Variants in MSRA observed in about 807,000 individuals in gnomAD.
The protein encoded by MSRA is mitochondrial peptide methionine sulfoxide reductase.
Under a neutral mutation model 31.3 loss-of-function variants are expected in MSRA, and 54 were observed. The observed-to-expected ratio is 1.73, with a 90% CI of 1.39 to 2.17. The LOEUF (loss-of-function observed/expected upper bound fraction) is 2.17. MSRA is among the 30% of genes most tolerant of loss of function. The probability of loss-of-function intolerance (pLI) is 0.00; values close to 1 mark genes in which losing one functional copy is unlikely to be tolerated. For synonymous variants in MSRA, 169 were observed against 116.5 expected, an observed-to-expected ratio of 1.45 and a Z score of -2.90; for missense variants, 507 against 300.9, an observed-to-expected ratio of 1.69 and a Z score of -5.07.
intron 1 of MSRA, among the ~76,000 whole-genome samples, chr8:10,105,217 T>C (rs1048134470): frequency 6.6e-6 from 1 of 152,180 alleles, no homozygotes; most frequent in Non-Finnish European, 1.5e-5. Context: ...ATTTTCCTTA[T>C]GGCAACTTTG....
rs563072956 is a variant in MSRA at position 10,414,201 on chromosome 8, C to G, written c.544-13947C>G. Among the ~76,000 whole-genome samples, 12 of 152,216 alleles carry G rather than the reference C, an allele frequency of 7.9e-5. No homozygotes were observed. In the South Asian group the frequency reaches 2.5e-3, roughly 32 times the overall value. ...AAAAAACGAATTTTATGTGAACTAC[C>G]TCTCAATATAAAATGATTATCTGGG... On this transcript the variant is annotated intron_variant, in intron 5 of 5. Transcript: ENST00000317173.
rs549026839 is a variant in MSRA, at chr8:10,189,464, T to C, written c.143-18369T>C. On this transcript the variant is annotated intron_variant, in intron 1 of 5. Coordinates refer to ENST00000317173, the MANE Select transcript of MSRA (RefSeq NM_012331.5). ...ACGTTCGGTCTGTTACCATAAAGTA[T>C]GATGCAGCTGTAGCTTTTTAGTAGA... Among the ~76,000 whole-genome samples the C allele has an allele frequency of 3.7e-4, 56 of 152,344 alleles. 1 individual carries two copies. The highest frequency in any genetic ancestry group is 7.8e-4 in the Admixed American group (12 of 15,304).
Position 10,355,381 on chromosome 8 carries a change from A to G in MSRA, c.543+35392A>G, listed in dbSNP as rs115516479. On this transcript the variant is annotated intron_variant, in intron 5 of 5. Transcript: ENST00000317173. ...AGATATGACATTTGCCGAGTAGGCC[A>G]TCACTTCTTTGATTGTCACTTTCCA... Among the ~76,000 whole-genome samples, 205 of 152,372 alleles carry G rather than the reference A, an allele frequency of 1.3e-3. 1 individual carries two copies. Among genetic ancestry groups the G allele is most frequent in the African/African-American group, 4.5e-3 (189 of 41,586 alleles).
chr8:10,413,292 G>A (rs546004013), intron 5 of MSRA, among the ~76,000 whole-genome samples: 5 of 152,248 alleles, frequency 3.3e-5, no homozygotes, highest in African/African-American at 1.2e-4. Flanking sequence ...TAAGGAATTC[G>A]GTGCCTAACC....
chr8:10,423,772 C>T (rs1027410636), intron 5 of MSRA, among the ~76,000 whole-genome samples: 5 of 152,164 alleles, frequency 3.3e-5, no homozygotes, highest in African/African-American at 1.2e-4. Flanking sequence ...CTGAGTCCGT[C>T]GTCCCCTTCT....
intron 2 of MSRA, among the ~76,000 whole-genome samples, chr8:10,241,020 T>C (rs1328545095): frequency 2.0e-5 from 3 of 152,114 alleles, no homozygotes; most frequent in East Asian, 1.9e-4. Context: ...TGATTCCCGA[T>C]GTACAACTTC....
chr8:10,256,322 A>G (rs919878904), intron 3 of MSRA, among the ~76,000 whole-genome samples: 3 of 152,196 alleles, frequency 2.0e-5, no homozygotes, highest in East Asian at 3.8e-4. Flanking sequence ...TTAGCACTGA[A>G]TAATATTCCA....
chr8:10,190,404 G>A (rs980589843), intron 1 of MSRA, among the ~76,000 whole-genome samples: 1 of 152,126 alleles, frequency 6.6e-6, no homozygotes, highest in Non-Finnish European at 1.5e-5. Context: ...TCCTGCCCCC[G>A]TCAGTGCCTG....
intron 1 of MSRA, among the ~76,000 whole-genome samples, chr8:10,152,046 G>T (rs908040227): frequency 2.0e-5 from 3 of 152,164 alleles, no homozygotes; most frequent in Admixed American, 6.5e-5. Flanking sequence ...ATTTCAATGT[G>T]TACACACCTC....
At chr8:10,394,979 T>C (rs1807004690) in intron 5 of MSRA, among the ~76,000 whole-genome samples, 1 of 152,214 alleles carries the variant, frequency 6.6e-6, no homozygotes, top group African/African-American at 2.4e-5. Flanking sequence ...GACACTTGGA[T>C]ATGTGAGCAG....
At chr8:10,117,066 C>T (rs1449457501) in intron 1 of MSRA, among the ~76,000 whole-genome samples, 2 of 152,124 alleles carry the variant, frequency 1.3e-5, no homozygotes, top group Non-Finnish European at 2.9e-5. Flanking sequence ...AATCCATCTG[C>T]CCAGAGCAAC....
At chr8:10,078,563 T>C (rs566710023) in intron 1 of MSRA, among the ~76,000 whole-genome samples, 1 of 152,330 alleles carries the variant, frequency 6.6e-6, no homozygotes, top group African/African-American at 2.4e-5. Flanking sequence ...GTGCCTGTTT[T>C]CCAGAGATGG....
chr8:10,094,756 T>G (rs934596633), intron 1 of MSRA, among the ~76,000 whole-genome samples: 4 of 152,204 alleles, frequency 2.6e-5, no homozygotes, highest in Non-Finnish European at 5.9e-5. Context: ...AAGGTGTTTA[T>G]GTTAAAAATA....
intron 1 of MSRA, among the ~76,000 whole-genome samples, chr8:10,175,485 C>T (rs1313492001): frequency 1.3e-5 from 2 of 152,100 alleles, no homozygotes; most frequent in African/African-American, 2.4e-5. Flanking sequence ...ACCGAGATTC[C>T]AGATTAAAGA....
chr8:10,268,196 C>A (rs1025690018), intron 3 of MSRA, among the ~76,000 whole-genome samples: 1 of 152,196 alleles, frequency 6.6e-6, no homozygotes, highest in African/African-American at 2.4e-5. Flanking sequence ...GAGATGGACA[C>A]GTGTGTGAAT....
chr8:10,372,241 G>A (rs1263712698), intron 5 of MSRA, among the ~76,000 whole-genome samples: 2 of 152,160 alleles, frequency 1.3e-5, no homozygotes, highest in African/African-American at 4.8e-5. Flanking sequence ...CATTGCCATA[G>A]GAGCCAGAGG....
At chr8:10,066,804 G>T (rs542808189) in intron 1 of MSRA, among the ~76,000 whole-genome samples, 6 of 152,096 alleles carry the variant, frequency 3.9e-5, no homozygotes, top group East Asian at 1.9e-4. Context: ...CAAAGTGCTG[G>T]GATTACAGGT....
rs552003072 is a variant in MSRA, at chr8:10,276,022, G to T, written c.332-25512G>T. Among the ~76,000 whole-genome samples the T allele has an allele frequency of 2.6e-5, 4 of 152,292 alleles. No individual in the cohort carries two copies. In the East Asian group the frequency reaches 7.7e-4, roughly 29 times the overall value. On this transcript the variant is annotated intron_variant, in intron 3 of 5. Transcript: ENST00000317173. ...AGTTCCTTCTGTTGCTCCAACACTGGCTGGTGTTTACACACTGGTGCCTGG... is the reference window on the plus strand; with the variant it reads ...AGTTCCTTCTGTTGCTCCAACACTGTCTGGTGTTTACACACTGGTGCCTGG...
At chr8:10,156,128 G>A (rs191809703) in intron 1 of MSRA, among the ~76,000 whole-genome samples, 7 of 152,272 alleles carry the variant, frequency 4.6e-5, no homozygotes, top group Admixed American at 4.6e-4. Flanking sequence ...ACAGAGCTAA[G>A]TGCAGGAACT....
Sources: gnomAD v4.1 joint callset for allele counts (sites outside exome capture counted in the v4.1 genomes callset) on GRCh38, gnomAD v4.1.1 for gene constraint, MANE v1.5 for transcripts, NCBI Gene and HGNC (gene_info 2026-07-23, HGNC 2026-07-21) for gene names.